The following FAM124A variants were observed in gnomAD, a reference collection of about 807,000 sequenced individuals.
FAM124A encodes family with sequence similarity 124 member A, also known as protein FAM124A.
Under a neutral mutation model 24.5 loss-of-function variants are expected in FAM124A, and 23 were observed. The observed-to-expected ratio is 0.94, with a 90% CI of 0.68 to 1.33. The LOEUF (loss-of-function observed/expected upper bound fraction) is 1.33. Ranked by LOEUF, FAM124A falls within the 40% of genes most tolerant of loss-of-function variation. The pLI is 0.00. For missense variants in FAM124A, 623 were observed against 722.8 expected (o/e 0.86, Z 1.58); for synonymous variants, 287 against 314.7 (o/e 0.91, Z 0.93).
chr13:51,281,377 A>G lies in FAM124A; in HGVS notation c.*121A>G, dbSNP rs1026836618. On this transcript the variant is annotated 3_prime_UTR_variant, in exon 4 of 4. Coordinates refer to ENST00000322475, the MANE Select transcript of FAM124A (RefSeq NM_001242312.2). ...GATCCATTTCCCAGGAGCCCGTAGCACATTTGCCTACCACCCACTCTTAGC... is the reference window on the plus strand; with the variant it reads ...GATCCATTTCCCAGGAGCCCGTAGCGCATTTGCCTACCACCCACTCTTAGC... The G allele has an allele frequency of 7.1e-6, 7 of 979,472 alleles. No individual in the cohort carries two copies. The highest frequency in any genetic ancestry group is 1.0e-5 in the Non-Finnish European group (7 of 694,098). The allele number at this position is 979,472 out of a possible 1,614,324, so 60.7% of individuals were successfully genotyped here. A position where few individuals can be genotyped will look rare whatever the true frequency, so the allele number is the denominator to read the frequency against.
chr13:51,251,571 C>T lies in FAM124A; in HGVS notation c.204C>T (p.Val68=), dbSNP rs1271322160. The T allele has an allele frequency of 1.3e-6, 2 of 1,549,188 alleles. No homozygotes were observed. The highest frequency in any genetic ancestry group is 1.7e-6 in the Non-Finnish European group (2 of 1,145,906). The change falls in exon 3 of 4, where the codon GTC becomes GTT. Residue 68 remains valine, a synonymous_variant. Transcript: ENST00000322475. The surrounding 1 kb of genome is among the most constrained non-coding windows in gnomAD (Gnocchi z 5.3). The part of the protein sequence containing the change: ...SQPLQEAIDN[V]LAWIHPDLPL... The stretch of plus-strand genomic sequence containing the variant: ...CCCTGCAGGAGGCCATCGACAACGT[C>T]CTGGCGTGGATCCACCCCGACCTCC...
chr13:51,245,401 G>A, intron 2 of FAM124A: 1 of 672,332 alleles, frequency 1.5e-6, no homozygotes, highest in Non-Finnish European at 2.7e-6. Context: ...CCTCCAGGTT[G>A]AACATACCTG....
intron 2 of FAM124A, among the ~76,000 whole-genome samples, chr13:51,242,284 G>A (rs1467128041): frequency 6.6e-6 from 1 of 152,208 alleles, no homozygotes; most frequent in Non-Finnish European, 1.5e-5. Flanking sequence ...TAAAATTACT[G>A]AGTAGAAGAA....
intron 2 of FAM124A, among the ~76,000 whole-genome samples, chr13:51,240,727 A>G (rs1182944769): frequency 1.3e-5 from 2 of 152,210 alleles, no homozygotes; most frequent in East Asian, 1.9e-4. Flanking sequence ...CAACTCAGAC[A>G]TAAAAGCAGT....
intron 2 of FAM124A, among the ~76,000 whole-genome samples, chr13:51,238,614 GGT>G (rs1261889812): frequency 3.3e-5 from 5 of 152,350 alleles, no homozygotes; most frequent in Admixed American, 6.5e-5. Context: ...AGAGGGTAGA[GGT>G]GTGTGTTTGG....
intron 2 of FAM124A, among the ~76,000 whole-genome samples, chr13:51,243,605 C>T (rs1291966718): frequency 6.6e-6 from 1 of 152,032 alleles, no homozygotes; most frequent in Non-Finnish European, 1.5e-5. Context: ...GTGATCTCAG[C>T]TTACTGCAAC....
At chr13:51,249,807 A>G in intron 2 of FAM124A, among the ~76,000 whole-genome samples, 1 of 152,242 alleles carries the variant, frequency 6.6e-6, no homozygotes, top group East Asian at 1.9e-4. Context: ...CCACTCAGTC[A>G]CAAAGTTCTC....
chr13:51,243,026 C>T (rs1383765558), intron 2 of FAM124A, among the ~76,000 whole-genome samples: 2 of 152,228 alleles, frequency 1.3e-5, no homozygotes, highest in Non-Finnish European at 2.9e-5. Flanking sequence ...TTACAGGACA[C>T]TTCTGTGAAA....
rs763335239 is a variant in FAM124A, at chr13:51,281,275, C to G, written c.*19C>G. On this transcript the variant is annotated 3_prime_UTR_variant, in exon 4 of 4. Transcript: ENST00000322475. The stretch of plus-strand genomic sequence containing the variant: ...CATCTGAATGCCCTCTGCTCTTGTT[C>G]TCGAAACACACAAACTCAGAGACAC... 15 of 1,531,566 alleles carry G rather than the reference C, an allele frequency of 9.8e-6. No homozygotes were observed. The highest frequency in any genetic ancestry group is 1.9e-5 in the Admixed American group (1 of 52,148). 94.9% of individuals were successfully genotyped at this position (1,531,566 alleles called of 1,614,324 possible).
rs1039496456 is a variant in FAM124A, at chr13:51,251,881, G to A, written c.514G>A (p.Val172Met). 2 of 1,613,838 alleles carry A rather than the reference G, an allele frequency of 1.2e-6. No homozygotes were observed. The highest frequency in any genetic ancestry group is 8.5e-7 in the Non-Finnish European group (1 of 1,180,006). ...IRPVHYGKEI[V>M]RFTVYCRYDN... ...GCCCGTGCACTACGGCAAGGAAATC[G>A]TGCGCTTCACCGTCTACTGTCGCTA... is the stretch of plus-strand genomic sequence containing the variant. The change falls in exon 3 of 4, where the codon GTG (valine) becomes ATG (methionine). Residue 172 changes from valine (V) to methionine (M), a missense_variant. Coordinates refer to ENST00000322475, the MANE Select transcript of FAM124A (RefSeq NM_001242312.2). The surrounding 1 kb of genome is among the most constrained non-coding windows in gnomAD (Gnocchi z 5.3).
At chr13:51,260,059 G>A (rs1284631533) in intron 3 of FAM124A, among the ~76,000 whole-genome samples, 2 of 152,114 alleles carry the variant, frequency 1.3e-5, no homozygotes, top group Non-Finnish European at 2.9e-5. Context: ...TGTGTCAGGA[G>A]GTGTCCGGGA....
chr13:51,271,718 T>C (rs1954842009), intron 3 of FAM124A, among the ~76,000 whole-genome samples: 1 of 152,216 alleles, frequency 6.6e-6, no homozygotes, highest in East Asian at 1.9e-4. Flanking sequence ...CATGATTTCA[T>C]GACAATCTCA....
chr13:51,249,125 A>G (rs12584566), intron 2 of FAM124A, among the ~76,000 whole-genome samples: 6,619 of 152,230 alleles, frequency 0.043, 242 homozygotes, highest in East Asian at 0.19. Flanking sequence ...GCACAGTTCT[A>G]TACCTTCGTA....
At chr13:51,226,296 G>A (rs2137641136) in intron 1 of FAM124A, among the ~76,000 whole-genome samples, 1 of 152,112 alleles carries the variant, frequency 6.6e-6, no homozygotes, top group Non-Finnish European at 1.5e-5. Flanking sequence ...ACTGCTTCTG[G>A]CCCTATAGTG....
chr13:51,232,709 A>G (rs1954391105), intron 2 of FAM124A, among the ~76,000 whole-genome samples: 1 of 152,214 alleles, frequency 6.6e-6, no homozygotes, highest in African/African-American at 2.4e-5. Flanking sequence ...AAAACCAGAG[A>G]AAGCTCAGTT....
intron 1 of FAM124A, among the ~76,000 whole-genome samples, chr13:51,227,859 G>C (rs373799470): frequency 6.6e-6 from 1 of 152,160 alleles, no homozygotes; most frequent in Non-Finnish European, 1.5e-5. Flanking sequence ...TTGATACTTC[G>C]CTGTGACTTA....
At chr13:51,271,058 T>G (rs183911091) in intron 3 of FAM124A, among the ~76,000 whole-genome samples, 99 of 152,338 alleles carry the variant, frequency 6.5e-4, no homozygotes, top group African/African-American at 2.2e-3. Flanking sequence ...CTCTGGAATT[T>G]CCATTATCCA....
At chr13:51,274,970 C>G (rs892680448) in intron 3 of FAM124A, among the ~76,000 whole-genome samples, 1 of 152,166 alleles carries the variant, frequency 6.6e-6, no homozygotes, top group East Asian at 1.9e-4. Context: ...CCTAAAGAAT[C>G]GTGGCTTAAT....
At chr13:51,247,887 G>A (rs1278826894) in intron 2 of FAM124A, among the ~76,000 whole-genome samples, 7 of 152,116 alleles carry the variant, frequency 4.6e-5, no homozygotes, top group African/African-American at 9.7e-5. Context: ...TCTGCCGATC[G>A]TGTCATGAAT....
Sources: gnomAD v4.1 joint callset for allele counts (sites outside exome capture counted in the v4.1 genomes callset) on GRCh38, gnomAD v4.1.1 for gene constraint, Gnocchi (gnomAD v3.1) non-coding constraint, MANE v1.5 for transcripts, NCBI Gene and HGNC (gene_info 2026-07-23, HGNC 2026-07-21) for gene names.